The following SCUBE1 variants were observed in gnomAD, a reference collection of about 807,000 sequenced individuals.
The protein encoded by SCUBE1 is signal peptide, CUB and EGF-like domain-containing protein 1.
Under a neutral mutation model 124.4 loss-of-function variants are expected in SCUBE1, and 59 were observed. The ratio of observed to expected loss-of-function variants is 0.47; its 90% confidence interval spans 0.38 to 0.59. SCUBE1 has a LOEUF of 0.59. Among genes scored for constraint, SCUBE1 ranks in the 20% least tolerant of loss-of-function variants. The pLI is 0.00. For synonymous variants in SCUBE1, 545 were observed against 550.9 expected (o/e 0.99, Z 0.15); for missense variants, 1,150 against 1,371.2 (o/e 0.84, Z 2.55).
At position 43,339,225 on chromosome 22, in the gene SCUBE1, G is replaced by A. The variant is rs745643103; in HGVS notation, c.99C>T (p.Asp33=). The A allele has an allele frequency of 3.7e-5, 59 of 1,613,376 alleles. 1 individual carries two copies. The highest frequency in any genetic ancestry group is 2.0e-4 in the East Asian group (9 of 44,884). ...CTGTGCCCTCTGAGCACTCATCCAC[G>A]TCGACTGACCCTGTGGGTAGGGGTG... The part of the protein sequence containing the change: ...AGGSGLPGSV[D]VDECSEGTDD... Residue 33 remains aspartate (D), a synonymous_variant, in exon 2 of 22, where the codon GAC becomes GAT. Transcript: ENST00000360835.
intron 1 of SCUBE1, among the ~76,000 whole-genome samples, chr22:43,341,150 G>A (rs1274570531): frequency 1.4e-5 from 2 of 142,974 alleles, no homozygotes; most frequent in African/African-American, 5.3e-5. Flanking sequence ...GCTTTCCGGG[G>A]GGGGCTACCC....
intron 6 of SCUBE1, among the ~76,000 whole-genome samples, chr22:43,247,963 T>C (rs892504325): frequency 1.9e-4 from 29 of 152,272 alleles, no homozygotes; most frequent in East Asian, 3.9e-4. Flanking sequence ...TGAGGTTGCA[T>C]CTCGAAGGGC....
At chr22:43,260,566 G>C (rs534405861) in intron 5 of SCUBE1, among the ~76,000 whole-genome samples, 4 of 152,360 alleles carry the variant, frequency 2.6e-5, no homozygotes, top group Middle Eastern at 3.4e-3. Context: ...TCAAGGACTA[G>C]AGCGAATGCC....
At chr22:43,332,236 C>A (rs1031422078) in intron 2 of SCUBE1, among the ~76,000 whole-genome samples, 2 of 152,066 alleles carry the variant, frequency 1.3e-5, no homozygotes, top group African/African-American at 4.8e-5. Context: ...TGCAGTGAGC[C>A]GAGATTGAGC....
Position 43,255,660 on chromosome 22 carries a change from G to T in SCUBE1, c.727+2559C>A. ...GCGGCCCAAGACAGTCAGCCTCTCG[G>T]CGTGGCGCACGCAAAGCCAACACAA... On this transcript the variant is annotated intron_variant, in intron 6 of 21. Transcript: ENST00000360835. The surrounding 1 kb of genome is among the most constrained non-coding windows in gnomAD (Gnocchi z 4.7). 8.2e-7 allele frequency: 1 copy of T among 1,224,820 alleles called. No homozygotes were observed. The highest frequency in any genetic ancestry group is 1.2e-6 in the Non-Finnish European group (1 of 855,252). 75.9% of individuals were successfully genotyped at this position (1,224,820 alleles called of 1,614,324 possible).
At chr22:43,205,587 C>A (rs960513825) in intron 21 of SCUBE1, among the ~76,000 whole-genome samples, 1 of 150,936 alleles carries the variant, frequency 6.6e-6, no homozygotes, top group Non-Finnish European at 1.5e-5. Context: ...CACCCCACAC[C>A]ACACACCCAC....
chr22:43,284,009 C>T lies in SCUBE1; in HGVS notation c.484+7037G>A, dbSNP rs1044509876. 4.6e-5 allele frequency among the ~76,000 whole-genome samples: 7 copies of T among 152,200 alleles called. No homozygotes were observed. The East Asian group carries it at 7.7e-4, about 17-fold the overall frequency. ...TGAGTGGCAATGGCTCCCATGAGGC[C>T]GGCAGCTGCTCTAAAGTTCAGGCAG... On this transcript the variant is annotated intron_variant, in intron 4 of 21. Coordinates refer to ENST00000360835, the MANE Select transcript of SCUBE1 (RefSeq NM_173050.5).
chr22:43,341,584 G>A (rs1312202330), intron 1 of SCUBE1, among the ~76,000 whole-genome samples: 3 of 152,232 alleles, frequency 2.0e-5, no homozygotes, highest in African/African-American at 7.2e-5. Flanking sequence ...AGGGGTGGGT[G>A]GAGCTATCTC....
At chr22:43,317,626 C>G (rs1221240680) in intron 3 of SCUBE1, among the ~76,000 whole-genome samples, 2 of 152,256 alleles carry the variant, frequency 1.3e-5, no homozygotes, top group African/African-American at 2.4e-5. Context: ...GGTTACCCAG[C>G]AGCCAGTGGC....
At chr22:43,266,350 C>G (rs1480623957) in intron 4 of SCUBE1, among the ~76,000 whole-genome samples, 1 of 152,100 alleles carries the variant, frequency 6.6e-6, no homozygotes, top group African/African-American at 2.4e-5. Context: ...ACAACCACTG[C>G]AAGGATGGCT....
intron 3 of SCUBE1, among the ~76,000 whole-genome samples, chr22:43,304,270 T>C (rs920092427): frequency 2.0e-5 from 3 of 152,246 alleles, no homozygotes; most frequent in Non-Finnish European, 4.4e-5. Context: ...TCCAGCGAAC[T>C]TCTGTGATTA....
chr22:43,226,738 G>C (rs957913524), intron 10 of SCUBE1, among the ~76,000 whole-genome samples: 1 of 151,810 alleles, frequency 6.6e-6, no homozygotes, highest in Non-Finnish European at 1.5e-5. Flanking sequence ...GCAAGGACCC[G>C]GCGTGGAGGT....
chr22:43,322,572 T>A (rs950452283), intron 2 of SCUBE1, among the ~76,000 whole-genome samples: 19 of 152,334 alleles, frequency 1.2e-4, no homozygotes, highest in African/African-American at 4.3e-4. Flanking sequence ...ACTGGCCACT[T>A]ATTTTCACTA....
chr22:43,343,252 C>A lies in SCUBE1; in HGVS notation c.10G>T (p.Ala4Ser). 2 of 1,180,734 alleles carry A rather than the reference C, an allele frequency of 1.7e-6. No individual in the cohort carries two copies. Among genetic ancestry groups the A allele is most frequent in the Non-Finnish European group, 2.1e-6 (2 of 951,850 alleles). The allele number at this position is 1,180,734 out of a possible 1,614,324, so 73.1% of individuals were successfully genotyped here. A position where few individuals can be genotyped will look rare whatever the true frequency, so the allele number is the denominator to read the frequency against. ...ACGCACAAGTGCCAGCGCACGGCCGCCGCGCCCATGCTCAATGCGGGCCCC... is the reference window on the plus strand; with the variant it reads ...ACGCACAAGTGCCAGCGCACGGCCGACGCGCCCATGCTCAATGCGGGCCCC... MGAAAVRWHLCVLL... is the reference protein window; with the variant it reads MGASAVRWHLCVLL... Residue 4 changes from alanine (A) to serine (S), a missense_variant, in exon 1 of 22, where the codon GCG becomes TCG. By Grantham distance (99) the Ala-to-Ser change is moderately conservative (BLOSUM62 1). Around this residue, in one of 3 missense-constraint regions of SCUBE1, gnomAD observed 56 missense variants for 48.1 expected, o/e 1.16. Coordinates refer to ENST00000360835, the MANE Select transcript of SCUBE1 (RefSeq NM_173050.5).
At position 43,255,224 on chromosome 22, in the gene SCUBE1, A is replaced by G. The variant is rs1160142112; in HGVS notation, c.727+2995T>C. 2.0e-5 allele frequency among the ~76,000 whole-genome samples: 3 copies of G among 152,222 alleles called. No homozygotes were observed. The highest frequency in any genetic ancestry group is 3.8e-4 in the East Asian group (2 of 5,198). On this transcript the variant is annotated intron_variant, in intron 6 of 21. Coordinates refer to ENST00000360835, the MANE Select transcript of SCUBE1 (RefSeq NM_173050.5). This position sits in a 1 kb window ranked among gnomAD's most constrained non-coding sequence, Gnocchi z 4.7. ...CTACAAACACACAAACAACGAACAA[A>G]TGTGTTTGATGGAGGGTAAAAACTT...
intron 6 of SCUBE1, among the ~76,000 whole-genome samples, chr22:43,243,958 GC>G (rs1190359536): frequency 1.3e-5 from 2 of 152,152 alleles, no homozygotes; most frequent in Non-Finnish European, 2.9e-5. Context: ...TCCCTGCCCT[GC>G]TAGGATGCGC....
chr22:43,223,563 T>C (rs557685702), intron 10 of SCUBE1, among the ~76,000 whole-genome samples: 1 of 152,194 alleles, frequency 6.6e-6, no homozygotes, highest in Admixed American at 6.5e-5. Flanking sequence ...GAACACTGGC[T>C]TCCTGGGAGG....
In SCUBE1 at chr22:43,199,077, C is replaced by A. The variant is rs1215595420; in HGVS notation, c.*4920G>T. 9.5e-6 allele frequency: 3 copies of A among 315,730 alleles called. No individual in the cohort carries two copies. The highest frequency in any genetic ancestry group is 4.5e-5 in the Admixed American group (1 of 22,230). 19.6% of individuals were successfully genotyped at this position (315,730 alleles called of 1,614,324 possible). A position where few individuals can be genotyped will look rare whatever the true frequency, so the allele number is the denominator to read the frequency against. Reference sequence around the variant, plus strand: ...CTGTTTGTCTGTCTGCTGTCCGGGGCAGTTTGTTTGTCTGTCTGCTGTCTG... The same window carrying A: ...CTGTTTGTCTGTCTGCTGTCCGGGGAAGTTTGTTTGTCTGTCTGCTGTCTG... On this transcript the variant is annotated 3_prime_UTR_variant, in exon 22 of 22. Transcript: ENST00000360835.
intron 5 of SCUBE1, among the ~76,000 whole-genome samples, chr22:43,259,003 C>T (rs1003017730): frequency 1.3e-5 from 2 of 152,206 alleles, no homozygotes; most frequent in African/African-American, 2.4e-5. Context: ...ACATTGTTTT[C>T]GATGCCTGTG....
Sources: allele counts gnomAD v4.1 joint callset (sites outside exome capture counted in the v4.1 genomes callset), GRCh38; gene constraint gnomAD v4.1.1; regional missense constraint gnomAD v4.1.1; non-coding constraint Gnocchi (gnomAD v3.1); transcripts MANE v1.5; gene names NCBI Gene and HGNC (gene_info 2026-07-23, HGNC 2026-07-21).